Variants in EXOC4 observed in about 807,000 individuals in gnomAD.
The protein encoded by EXOC4 is SEC8-like 1.
EXOC4 carries 71 observed loss-of-function variants against 107.2 expected under a neutral mutation model. The ratio of observed to expected loss-of-function variants is 0.66; its 90% CI spans 0.55 to 0.81. The LOEUF is 0.81. Among genes scored for constraint, EXOC4 ranks in the 30% least tolerant of loss-of-function variants. EXOC4 has a pLI of 0.00. For missense variants in EXOC4, 1,108 were observed against 1,189.6 expected, an observed-to-expected ratio of 0.93 and a Z score of 1.01; for synonymous variants, 456 against 441.2, an observed-to-expected ratio of 1.03 and a Z score of -0.42.
chr7:133,514,415 G>A (rs1799834050), intron 9 of EXOC4, among the ~76,000 whole-genome samples: 1 of 152,154 alleles, frequency 6.6e-6, no homozygotes, highest in Non-Finnish European at 1.5e-5. Context: ...GCCTTTCTCA[G>A]CCTTCCAAAG....
intron 7 of EXOC4, among the ~76,000 whole-genome samples, chr7:133,400,645 A>G (rs1434636192): frequency 6.6e-6 from 1 of 152,172 alleles, no homozygotes; most frequent in Non-Finnish European, 1.5e-5. Context: ...CAAAAGCCAC[A>G]TCTCTTTGAA....
At chr7:133,830,846 T>C (rs1797794039) in intron 11 of EXOC4, among the ~76,000 whole-genome samples, 1 of 152,240 alleles carries the variant, frequency 6.6e-6, no homozygotes, top group Non-Finnish European at 1.5e-5. Context: ...TTTTTTAAAC[T>C]TAATGCCCTC....
At chr7:133,669,272 GA>G (rs1793892965) in intron 10 of EXOC4, among the ~76,000 whole-genome samples, 1 of 152,030 alleles carries the variant, frequency 6.6e-6, no homozygotes. Context: ...GGGATGTAAG[GA>G]AAAGGAGCTC....
chr7:133,666,661 G>C (rs1244781052), intron 10 of EXOC4, among the ~76,000 whole-genome samples: 1 of 152,092 alleles, frequency 6.6e-6, no homozygotes, highest in Non-Finnish European at 1.5e-5. Flanking sequence ...TTGAGACATG[G>C]ACATTCATCC....
At chr7:133,322,494 T>C (rs962734414) in intron 5 of EXOC4, among the ~76,000 whole-genome samples, 52 of 152,178 alleles carry the variant, frequency 3.4e-4, no homozygotes, top group African/African-American at 1.2e-3. Flanking sequence ...CCATTGCTTG[T>C]TTTTGTCAGA....
At chr7:133,364,153 TCTCA>T (rs1274806275) in intron 6 of EXOC4, among the ~76,000 whole-genome samples, 1 of 152,018 alleles carries the variant, frequency 6.6e-6, no homozygotes, top group Non-Finnish European at 1.5e-5. Context: ...GGAGATGTGG[TCTCA>T]CTCTGTCGCT....
intron 14 of EXOC4, among the ~76,000 whole-genome samples, chr7:133,965,031 G>A (rs769603070): frequency 7.2e-5 from 11 of 152,176 alleles, no homozygotes; most frequent in South Asian, 2.1e-4. Context: ...TGTAACTGGC[G>A]TGAGATGGTA....
chr7:133,390,453 G>A (rs537018321), intron 7 of EXOC4, among the ~76,000 whole-genome samples: 1 of 152,278 alleles, frequency 6.6e-6, no homozygotes, highest in South Asian at 2.1e-4. Context: ...CAGCTTGGGA[G>A]GAAATAAAAG....
chr7:133,790,610 G>A (rs1388775000), intron 10 of EXOC4, among the ~76,000 whole-genome samples: 1 of 152,214 alleles, frequency 6.6e-6, no homozygotes, highest in Non-Finnish European at 1.5e-5. Flanking sequence ...AAATAATTAG[G>A]CAAATTCGTC....
intron 10 of EXOC4, among the ~76,000 whole-genome samples, chr7:133,810,157 A>C (rs1383205680): frequency 6.6e-6 from 1 of 152,228 alleles, no homozygotes; most frequent in African/African-American, 2.4e-5. Context: ...TATTCAAATA[A>C]ATAAAACATC....
chr7:133,702,085 C>T (rs556818416), intron 10 of EXOC4, among the ~76,000 whole-genome samples: 16 of 147,094 alleles, frequency 1.1e-4, no homozygotes, highest in Admixed American at 2.7e-4. Flanking sequence ...ACTGCAGCCT[C>T]GACCTCCCAC....
chr7:133,638,834 A>C (rs913304785), intron 10 of EXOC4, among the ~76,000 whole-genome samples: 2 of 152,188 alleles, frequency 1.3e-5, no homozygotes, highest in Non-Finnish European at 2.9e-5. Context: ...CCTAGATTTA[A>C]GCTGATATTT....
chr7:133,630,131 C>A lies in EXOC4; in HGVS notation c.1504C>A (p.Pro502Thr). 6.2e-7 allele frequency: 1 copy of A among 1,612,158 alleles called. No individual in the cohort carries two copies. Among genetic ancestry groups the A allele is most frequent in the Non-Finnish European group, 8.5e-7 (1 of 1,178,428 alleles). ...CAGAAACATTACCGTCATATTCCAC[C>A]CATTACTAAGGTAAGTCAAGTGCTA... ...GARNITVIFH[P>T]LLRFIQEIEH... Residue 502 changes from proline (P) to threonine (T), a missense_variant, in exon 10 of 18, where the codon CCA becomes ACA. Pro to Thr is a conservative substitution (Grantham distance 38). Coordinates refer to ENST00000253861, the MANE Select transcript of EXOC4 (RefSeq NM_021807.4).
chr7:133,696,930 A>G (rs1794548129), intron 10 of EXOC4, among the ~76,000 whole-genome samples: 1 of 152,200 alleles, frequency 6.6e-6, no homozygotes. Context: ...ATCATGTGCA[A>G]TAATTCATTT....
At chr7:134,074,778 C>A in the EXOC4 span, among the ~76,000 whole-genome samples, 1 of 152,194 alleles carries the variant, frequency 6.6e-6, no homozygotes, top group Admixed American at 6.5e-5. Flanking sequence ...AACAGGGCAA[C>A]ACACACGAAT....
intron 5 of EXOC4, among the ~76,000 whole-genome samples, chr7:133,345,934 A>G (rs1795773974): frequency 6.6e-6 from 1 of 151,078 alleles, no homozygotes; most frequent in Non-Finnish European, 1.5e-5. Context: ...AAGTACCTTA[A>G]TCATGAATCT....
intron 10 of EXOC4, among the ~76,000 whole-genome samples, chr7:133,795,862 A>G (rs1796802788): frequency 6.6e-6 from 1 of 152,134 alleles, no homozygotes; most frequent in Non-Finnish European, 1.5e-5. Flanking sequence ...TTTTCTTTTT[A>G]AAAATTACCA....
intron 5 of EXOC4, among the ~76,000 whole-genome samples, chr7:133,345,702 C>T (rs1795769325): frequency 6.6e-6 from 1 of 152,166 alleles, no homozygotes; most frequent in Non-Finnish European, 1.5e-5. Context: ...TCATTTCCCT[C>T]TTGGCCCACT....
intron 9 of EXOC4, among the ~76,000 whole-genome samples, chr7:133,561,166 A>G (rs1217387169): frequency 2.6e-5 from 4 of 152,278 alleles, no homozygotes; most frequent in Admixed American, 1.3e-4. Flanking sequence ...CTGCCTGGTC[A>G]CATGAACTCT....
Sources: allele counts gnomAD v4.1 joint callset (sites outside exome capture counted in the v4.1 genomes callset), GRCh38; gene constraint gnomAD v4.1.1; transcripts MANE v1.5; gene names NCBI Gene and HGNC (gene_info 2026-07-23, HGNC 2026-07-21).